The following PRMT8 variants were observed in gnomAD, a reference collection of about 807,000 sequenced individuals.
PRMT8 encodes protein arginine methyltransferase 8, also known as protein arginine N-methyltransferase 8.
PRMT8 carries 7 observed loss-of-function variants against 47.1 expected under a neutral mutation model. The ratio of observed to expected loss-of-function variants is 0.15; its 90% CI spans 0.08 to 0.28. The LOEUF (loss-of-function observed/expected upper bound fraction) is 0.28, where lower values mean the gene tolerates loss of function less well. PRMT8 is among the 10% of genes least tolerant of loss of function. PRMT8 has a pLI of 1.00. For synonymous variants in PRMT8, 188 were observed against 186.5 expected (o/e 1.01, Z -0.07); for missense variants, 237 against 505.4 (o/e 0.47, Z 5.09).
At chr12:3,435,029 C>T (rs970860252) in intron 1 of PRMT8, among the ~76,000 whole-genome samples, 1 of 146,032 alleles carries the variant, frequency 6.8e-6, no homozygotes, top group Non-Finnish European at 1.5e-5. Flanking sequence ...AGTGCAGGGG[C>T]GCGATCTCGG....
intron 1 of PRMT8, among the ~76,000 whole-genome samples, chr12:3,407,401 C>T (rs997436833): frequency 6.6e-6 from 1 of 151,970 alleles, no homozygotes; most frequent in Non-Finnish European, 1.5e-5. Flanking sequence ...GAATATATCT[C>T]ATCCTATTCT....
intron 1 of PRMT8, among the ~76,000 whole-genome samples, chr12:3,386,514 G>T (rs554284268): frequency 6.6e-6 from 1 of 152,206 alleles, no homozygotes; most frequent in East Asian, 1.9e-4. Context: ...ATGTGGAATT[G>T]GTCATTCTTT....
In PRMT8 at chr12:3,552,583, G is replaced by A. The variant is rs1866441431; in HGVS notation, c.418-1068G>A. 1 of 377,174 alleles carries A rather than the reference G, an allele frequency of 2.7e-6. No homozygotes were observed. Among genetic ancestry groups the A allele is most frequent in the Non-Finnish European group, 5.3e-6 (1 of 187,182 alleles). The allele number at this position is 377,174 out of a possible 1,614,324, so 23.4% of individuals were successfully genotyped here. A position where few individuals can be genotyped will look rare whatever the true frequency, so the allele number is the denominator to read the frequency against. On this transcript the variant is annotated intron_variant, in intron 3 of 9. Transcript: ENST00000382622. The surrounding 1 kb of genome is among the most constrained non-coding windows in gnomAD (Gnocchi z 4.5). The stretch of plus-strand genomic sequence containing the variant: ...GGAATCACACCCCACAGACAGTGCA[G>A]CCTGAAGGCCAGGGACCTGGCAGCC...
chr12:3,395,462 G>C (rs1308240888), intron 1 of PRMT8, among the ~76,000 whole-genome samples: 3 of 150,398 alleles, frequency 2.0e-5, no homozygotes, highest in Admixed American at 6.6e-5. Flanking sequence ...CCTTCATTTC[G>C]TTATGTACCC....
At chr12:3,382,144 A>G (rs1324214300) in intron 1 of PRMT8, among the ~76,000 whole-genome samples, 1 of 152,210 alleles carries the variant, frequency 6.6e-6, no homozygotes, top group African/African-American at 2.4e-5. Flanking sequence ...TGAAGAGCAT[A>G]AGGACTGTCT....
intron 1 of PRMT8, among the ~76,000 whole-genome samples, chr12:3,439,857 G>T (rs1041050303): frequency 6.6e-6 from 1 of 152,144 alleles, no homozygotes; most frequent in Non-Finnish European, 1.5e-5. Context: ...AATTTTGGAG[G>T]ATTTATTGTT....
In PRMT8 at chr12:3,409,620, T is replaced by C. The variant is rs901081533; in HGVS notation, c.48+28178T>C. Reference sequence around the variant, plus strand: ...AGGGAGGCAGGGTTTTCCACTTGTTTGGCCTGGGGGCGGGGGTGAGGTGTC... The same window carrying C: ...AGGGAGGCAGGGTTTTCCACTTGTTCGGCCTGGGGGCGGGGGTGAGGTGTC... On this transcript the variant is annotated intron_variant, in intron 1 of 9. Coordinates refer to the PRMT8 transcript ENST00000452611. The surrounding 1 kb of genome is among the most constrained non-coding windows in gnomAD (Gnocchi z 4.4). Among the ~76,000 whole-genome samples the C allele has an allele frequency of 1.3e-5, 2 of 152,076 alleles. No individual in the cohort carries two copies. The highest frequency in any genetic ancestry group is 4.8e-5 in the African/African-American group (2 of 41,410).
In PRMT8 at chr12:3,456,800, CCAAA is replaced by C. The variant is rs547847661; in HGVS notation, c.48+75363_48+75366del. Among the ~76,000 whole-genome samples, 43 of 152,298 alleles carry C rather than the reference CCAAA, an allele frequency of 2.8e-4. No homozygotes were observed. Among genetic ancestry groups the C allele is most frequent in the South Asian group, 2.5e-3 (12 of 4,822 alleles). On this transcript the variant is annotated intron_variant, in intron 1 of 9. Coordinates refer to the PRMT8 transcript ENST00000452611. The surrounding 1 kb of genome is among the most constrained non-coding windows in gnomAD (Gnocchi z 4.2). ...ATTGAACAAGAAAAAAAAAATGTCA[CCAAA>C]CAAAGAGAATCGAACCCCTCTAGCC...
chr12:3,434,747 T>C (rs975956290), intron 1 of PRMT8, among the ~76,000 whole-genome samples: 3 of 46,888 alleles, frequency 6.4e-5, no homozygotes, highest in Non-Finnish European at 1.5e-4. Flanking sequence ...TGAAGCCCCA[T>C]CTTTTTTTTT....
At chr12:3,579,927 T>C (rs1024447639) in intron 7 of PRMT8, among the ~76,000 whole-genome samples, 2 of 151,976 alleles carry the variant, frequency 1.3e-5, no homozygotes, top group African/African-American at 4.8e-5. Context: ...CTCCCTGGGG[T>C]CTCAGAGCTG....
rs549395932 is a variant in PRMT8 at position 3,464,271 on chromosome 12, A to T, written c.49-76335A>T. 1.8e-4 allele frequency among the ~76,000 whole-genome samples: 25 copies of T among 135,136 alleles called. No individual in the cohort carries two copies. In the East Asian group the frequency reaches 3.0e-3, roughly 16 times the overall value. 88.7% of individuals were successfully genotyped at this position (135,136 alleles called of 152,430 possible). On this transcript the variant is annotated intron_variant, in intron 1 of 9. Coordinates refer to the PRMT8 transcript ENST00000452611. ...TGTTTCCCCAGTTATGAATCCTGGT[A>T]AAAAAAAAAAACAAACTGCACACAA...
Position 3,518,041 on chromosome 12 carries a change from GAA to G in PRMT8, c.76-22554_76-22553del, listed in dbSNP as rs71061121. On this transcript the variant is annotated intron_variant, in intron 1 of 9. Coordinates refer to ENST00000382622, the MANE Select transcript of PRMT8 (RefSeq NM_019854.5). ...TAACCCACATGTTTCCCCTTAAAGA[GAA>G]AAAAAAAAAAGCATAGTAAACAGCC... Among the ~76,000 whole-genome samples, 73 of 147,352 alleles carry G rather than the reference GAA, an allele frequency of 5.0e-4. 1 individual carries two copies. Among genetic ancestry groups the G allele is most frequent in the Admixed American group, 6.7e-4 (10 of 14,874 alleles).
At chr12:3,461,300 A>G (rs1394257905) in intron 1 of PRMT8, among the ~76,000 whole-genome samples, 1 of 152,200 alleles carries the variant, frequency 6.6e-6, no homozygotes, top group Non-Finnish European at 1.5e-5. Context: ...AGCAGCAGGA[A>G]GCTCTACTTT....
chr12:3,418,187 G>A (rs1407823569), intron 1 of PRMT8, among the ~76,000 whole-genome samples: 2 of 152,192 alleles, frequency 1.3e-5, no homozygotes, highest in Non-Finnish European at 2.9e-5. Context: ...AGAAGAGTTC[G>A]AGGCTGAGGT....
At chr12:3,473,965 C>G (rs1281776750) in intron 1 of PRMT8, among the ~76,000 whole-genome samples, 4 of 152,198 alleles carry the variant, frequency 2.6e-5, no homozygotes, top group African/African-American at 9.6e-5. Context: ...CTCCCATCCA[C>G]TCCAGACCCT....
At position 3,447,999 on chromosome 12, in the gene PRMT8, A is replaced by G. The variant is rs550176570; in HGVS notation, c.48+66557A>G. 5.3e-5 allele frequency among the ~76,000 whole-genome samples: 8 copies of G among 152,210 alleles called. 1 individual carries two copies. The South Asian group carries it at 1.2e-3, about 24-fold the overall frequency. ...AACGTTTTGGCCTCAGACTCCCTTT[A>G]CAATTTTTTGTGAGACAGGTTCTTG... On this transcript the variant is annotated intron_variant, in intron 1 of 9. Coordinates refer to the PRMT8 transcript ENST00000452611.
intron 1 of PRMT8, among the ~76,000 whole-genome samples, chr12:3,392,261 G>A (rs149559514): frequency 0.03 from 4,542 of 151,598 alleles, 92 homozygotes; most frequent in Non-Finnish European, 0.047. Context: ...TGCACAATGT[G>A]CAGGTTAGTT....
chr12:3,489,857 A>T (rs955672194), upstream of PRMT8, among the ~76,000 whole-genome samples: 4 of 150,844 alleles, frequency 2.7e-5, no homozygotes, highest in Non-Finnish European at 5.9e-5. Context: ...ACACACACAC[A>T]CTCAAGCCTC....
intron 1 of PRMT8, among the ~76,000 whole-genome samples, chr12:3,536,876 AT>A (rs1180869530): frequency 6.6e-6 from 1 of 152,214 alleles, no homozygotes; most frequent in Non-Finnish European, 1.5e-5. Context: ...ATAGTGTTCT[AT>A]TGTGTGGCTA....
Sources: allele counts gnomAD v4.1 joint callset (sites outside exome capture counted in the v4.1 genomes callset), GRCh38; gene constraint gnomAD v4.1.1; non-coding constraint Gnocchi (gnomAD v3.1); transcripts MANE v1.5; gene names NCBI Gene and HGNC (gene_info 2026-07-23, HGNC 2026-07-21).